FSTL4: variants seen among roughly 807,000 people sequenced by gnomAD.
FSTL4 encodes the protein follistatin-related protein 4.
Under a neutral mutation model 78.2 loss-of-function variants are expected in FSTL4, and 28 were observed. The ratio of observed to expected loss-of-function variants is 0.36; its 90% CI spans 0.27 to 0.49. The LOEUF (loss-of-function observed/expected upper bound fraction) is 0.49. Among genes scored for constraint, FSTL4 ranks in the 20% least tolerant of loss-of-function variants. FSTL4 has a pLI of 0.98. For missense variants in FSTL4, 922 were observed against 1,084.9 expected, an observed-to-expected ratio of 0.85 and a Z score of 2.11; for synonymous variants, 422 against 440.5, an observed-to-expected ratio of 0.96 and a Z score of 0.53.
chr5:133,257,992 G>A (rs900180198), intron 6 of FSTL4, among the ~76,000 whole-genome samples: 2 of 152,196 alleles, frequency 1.3e-5, no homozygotes, highest in African/African-American at 4.8e-5. Context: ...AGATCTCTAA[G>A]GTTGGATCCA....
the FSTL4 span, among the ~76,000 whole-genome samples, chr5:133,669,920 C>T: frequency 6.6e-6 from 1 of 152,122 alleles, no homozygotes; most frequent in Non-Finnish European, 1.5e-5. Flanking sequence ...TTTCCATGAA[C>T]CTCAAGATAA....
chr5:133,351,957 C>A (rs766393246), intron 4 of FSTL4, among the ~76,000 whole-genome samples: 1 of 138,516 alleles, frequency 7.2e-6, no homozygotes, highest in Admixed American at 7.0e-5. Flanking sequence ...TCCTATAAGT[C>A]TAGTATGGCT....
the FSTL4 span, among the ~76,000 whole-genome samples, chr5:133,680,364 G>A: frequency 2.6e-5 from 4 of 152,174 alleles, no homozygotes; most frequent in Non-Finnish European, 4.4e-5. Flanking sequence ...TCCACCAGAC[G>A]TGTAGCACCT....
At chr5:133,571,051 A>G (rs1760143389) in intron 2 of FSTL4, among the ~76,000 whole-genome samples, 1 of 152,126 alleles carries the variant, frequency 6.6e-6, no homozygotes, top group Non-Finnish European at 1.5e-5. Flanking sequence ...CCTGAGCTAC[A>G]CACATAAAGG....
intron 4 of FSTL4, among the ~76,000 whole-genome samples, chr5:133,347,963 CA>C (rs1334606853): frequency 6.6e-6 from 1 of 152,104 alleles, no homozygotes; most frequent in African/African-American, 2.4e-5. Context: ...ACTCAAAAGA[CA>C]AGGAAACTGA....
intron 6 of FSTL4, among the ~76,000 whole-genome samples, chr5:133,283,075 T>C (rs1407860642): frequency 6.6e-6 from 1 of 152,214 alleles, no homozygotes; most frequent in Non-Finnish European, 1.5e-5. Flanking sequence ...AACATGCCAT[T>C]GTTTTCTCAC....
the FSTL4 span, among the ~76,000 whole-genome samples, chr5:133,771,424 T>G: frequency 6.6e-6 from 1 of 152,160 alleles, no homozygotes; most frequent in Non-Finnish European, 1.5e-5. Context: ...CTTATAGAGA[T>G]CTTTCATTTC....
intron 3 of FSTL4, among the ~76,000 whole-genome samples, chr5:133,438,959 C>T (rs565215961): frequency 3.9e-5 from 6 of 152,250 alleles, no homozygotes; most frequent in Non-Finnish European, 7.3e-5. Flanking sequence ...CCTTTGATTC[C>T]TCCTGCCCAC....
intron 7 of FSTL4, among the ~76,000 whole-genome samples, chr5:133,240,883 C>A (rs1259942312): frequency 6.6e-6 from 1 of 152,158 alleles, no homozygotes; most frequent in Non-Finnish European, 1.5e-5. Context: ...CCCTCTTTGG[C>A]TACAGGGAGG....
Position 133,225,372 on chromosome 5 carries a change from C to T in FSTL4, c.1178-88G>A, listed in dbSNP as rs1215963634. The T allele has an allele frequency of 3.3e-6, 5 of 1,518,156 alleles. No homozygotes were observed. Among genetic ancestry groups the T allele is most frequent in the Admixed American group, 3.5e-5 (2 of 57,068 alleles). 94.0% of individuals were successfully genotyped at this position (1,518,156 alleles called of 1,614,324 possible). On this transcript the variant is annotated intron_variant, in intron 9 of 15. Coordinates refer to ENST00000265342, the MANE Select transcript of FSTL4 (RefSeq NM_015082.2). This position sits in a 1 kb window ranked among gnomAD's most constrained non-coding sequence, Gnocchi z 4.6. ...GGGGCCATTGAGAGTGTTAGGGCTGCCCAGCCCCTGGGCAGCCAGCAGCCC... is the reference window on the plus strand; with the variant it reads ...GGGGCCATTGAGAGTGTTAGGGCTGTCCAGCCCCTGGGCAGCCAGCAGCCC...
the FSTL4 span, among the ~76,000 whole-genome samples, chr5:133,766,114 G>A: frequency 6.6e-6 from 1 of 152,228 alleles, no homozygotes; most frequent in African/African-American, 2.4e-5. Context: ...ATAAATGCTG[G>A]AGGGGTGAAT....
intron 3 of FSTL4, among the ~76,000 whole-genome samples, chr5:133,492,523 T>C (rs763299534): frequency 5.3e-5 from 8 of 152,202 alleles, no homozygotes; most frequent in Non-Finnish European, 1.2e-4. Context: ...GTTTAGAAGA[T>C]ATTATTCAAT....
At chr5:133,713,373 C>T in the FSTL4 span, among the ~76,000 whole-genome samples, 1 of 152,190 alleles carries the variant, frequency 6.6e-6, no homozygotes, top group Admixed American at 6.5e-5. Context: ...TCAGGACCTG[C>T]CTTGCCTGGC....
At position 133,267,217 on chromosome 5, in the gene FSTL4, G is replaced by C. The variant is rs191189770; in HGVS notation, c.728-17641C>G. ...AGGAGGAGGTGCAGGATTCTGGTAG[G>C]GGGTGGTGAGGAGGCGGGCACAGGA... On this transcript the variant is annotated intron_variant, in intron 6 of 15. Transcript: ENST00000265342. Among the ~76,000 whole-genome samples the C allele has an allele frequency of 3.2e-4, 48 of 152,318 alleles. No individual in the cohort carries two copies. The East Asian group carries it at 3.5e-3, about 11-fold the overall frequency.
the FSTL4 span, among the ~76,000 whole-genome samples, chr5:133,807,099 T>G: frequency 6.6e-6 from 1 of 152,332 alleles, no homozygotes; most frequent in South Asian, 2.1e-4. Context: ...AATAGCACAA[T>G]TCCTTTTGTT....
At chr5:133,476,548 T>C (rs1757928431) in intron 3 of FSTL4, among the ~76,000 whole-genome samples, 1 of 152,194 alleles carries the variant, frequency 6.6e-6, no homozygotes, top group African/African-American at 2.4e-5. Context: ...GAAAGCTAGT[T>C]AGAGAGAAGT....
chr5:133,204,996 ACTTT>A (rs1367025477), intron 14 of FSTL4, among the ~76,000 whole-genome samples: 1 of 149,086 alleles, frequency 6.7e-6, no homozygotes, highest in Non-Finnish European at 1.5e-5. Flanking sequence ...ATGATTTCAT[ACTTT>A]TTTTTTGTGA....
chr5:133,521,356 C>G (rs1337441374), intron 3 of FSTL4, among the ~76,000 whole-genome samples: 1 of 152,194 alleles, frequency 6.6e-6, no homozygotes, highest in Non-Finnish European at 1.5e-5. Flanking sequence ...TAATATGGAA[C>G]CAGTGATCAC....
intron 7 of FSTL4, 85 bp from the exon 8 acceptor site, chr5:133,233,622 C>A (rs1187154771): frequency 7.2e-6 from 11 of 1,523,604 alleles, no homozygotes; most frequent in South Asian, 1.2e-5. Flanking sequence ...TTCCAGAAAT[C>A]CTGCAGCTGG....
Sources: gnomAD v4.1 joint callset for allele counts (sites outside exome capture counted in the v4.1 genomes callset) on GRCh38, gnomAD v4.1.1 for gene constraint, Gnocchi (gnomAD v3.1) non-coding constraint, MANE v1.5 for transcripts, NCBI Gene and HGNC (gene_info 2026-07-23, HGNC 2026-07-21) for gene names.